Variants in ARMC2 observed in about 807,000 individuals in gnomAD.
The protein encoded by ARMC2 is armadillo repeat-containing protein 2.
Under a neutral mutation model 90.3 loss-of-function variants are expected in ARMC2, and 67 were observed. The observed-to-expected ratio is 0.74, with a 90% CI of 0.61 to 0.91. The LOEUF is 0.91. Among genes scored for constraint, ARMC2 ranks in the 40% least tolerant of loss-of-function variants. The pLI, the probability that ARMC2 is intolerant of heterozygous loss-of-function variation, is 0.00. For synonymous variants in ARMC2, 393 were observed against 393.0 expected (o/e 1.00, Z 0.00); for missense variants, 920 against 1,030.9 (o/e 0.89, Z 1.47).
the ARMC2 span, among the ~76,000 whole-genome samples, chr6:109,005,299 T>C: frequency 6.6e-6 from 1 of 152,054 alleles, no homozygotes; most frequent in Non-Finnish European, 1.5e-5. Context: ...TATATTACAA[T>C]AATGGGGAAG....
At chr6:108,917,656 A>T (rs541410601) in intron 10 of ARMC2, among the ~76,000 whole-genome samples, 1 of 152,166 alleles carries the variant, frequency 6.6e-6, no homozygotes, top group African/African-American at 2.4e-5. Context: ...ATTTTAATAT[A>T]TATTTTTTTG....
the ARMC2 span, among the ~76,000 whole-genome samples, chr6:109,028,404 T>TA: frequency 1.3e-5 from 2 of 152,214 alleles, no homozygotes; most frequent in South Asian, 4.1e-4. Context: ...CGAATGGGGC[T>TA]AATTTGTTGT....
the ARMC2 span, among the ~76,000 whole-genome samples, chr6:109,021,909 C>A: frequency 1.3e-5 from 2 of 152,148 alleles, no homozygotes; most frequent in African/African-American, 2.4e-5. Context: ...CCAAATATTA[C>A]TGAAAGTTTC....
In ARMC2 at chr6:108,912,234, A is replaced by G. The variant is rs578056344; in HGVS notation, c.1127-101A>G. On this transcript the variant is annotated intron_variant, in intron 9 of 17. Coordinates refer to ENST00000392644, the MANE Select transcript of ARMC2 (RefSeq NM_032131.6). Reference sequence around the variant, plus strand: ...CACTTGAATGTAGATTTTGATAAATATATTTTACGAAGTGTATTTTATGTT... The same window carrying G: ...CACTTGAATGTAGATTTTGATAAATGTATTTTACGAAGTGTATTTTATGTT... 8 of 826,388 alleles carry G rather than the reference A, an allele frequency of 9.7e-6. No homozygotes were observed. The South Asian group carries it at 1.6e-4, about 16-fold the overall frequency. The allele number at this position is 826,388 out of a possible 1,614,324, so 51.2% of individuals were successfully genotyped here.
At chr6:108,878,605 T>G (rs934816637) in intron 5 of ARMC2, among the ~76,000 whole-genome samples, 1 of 152,238 alleles carries the variant, frequency 6.6e-6, no homozygotes, top group African/African-American at 2.4e-5. Context: ...AACTTTATGC[T>G]GGTTATGGTG....
At chr6:109,008,691 C>T in the ARMC2 span, 1 of 771,476 alleles carries the variant, frequency 1.3e-6, no homozygotes, top group Non-Finnish European at 1.6e-6. Context: ...TAGTAACTTT[C>T]AAATGGTTTC....
At chr6:108,907,343 C>T (rs1391252399) in intron 8 of ARMC2, among the ~76,000 whole-genome samples, 2 of 151,626 alleles carry the variant, frequency 1.3e-5, no homozygotes, top group African/African-American at 4.9e-5. Flanking sequence ...GTGGTTTTGA[C>T]CTCAAGGACT....
the ARMC2 span, among the ~76,000 whole-genome samples, chr6:108,982,666 C>A: frequency 6.6e-6 from 1 of 152,176 alleles, no homozygotes; most frequent in South Asian, 2.1e-4. Flanking sequence ...AGTAGCCACC[C>A]TGATGAGTGT....
intron 7 of ARMC2, among the ~76,000 whole-genome samples, chr6:108,900,394 T>A (rs1016657682): frequency 2.0e-5 from 3 of 152,036 alleles, no homozygotes; most frequent in Non-Finnish European, 2.9e-5. Context: ...GCCCTCCACT[T>A]TCTCCCTCTT....
intron 10 of ARMC2, among the ~76,000 whole-genome samples, chr6:108,914,829 T>A (rs1010254939): frequency 1.3e-5 from 2 of 152,124 alleles, no homozygotes; most frequent in Non-Finnish European, 2.9e-5. Context: ...TGTGAATGTG[T>A]AACACTGACT....
chr6:109,033,910 A>G, the ARMC2 span, among the ~76,000 whole-genome samples: 1 of 152,244 alleles, frequency 6.6e-6, no homozygotes, highest in African/African-American at 2.4e-5. Flanking sequence ...TTCGTAAAGA[A>G]GCGGAGGCAA....
chr6:109,036,273 T>C, the ARMC2 span, among the ~76,000 whole-genome samples: 9 of 152,240 alleles, frequency 5.9e-5, 1 homozygote, highest in Middle Eastern at 3.2e-3. Context: ...AGCAAACCTA[T>C]GCAGTTAAAA....
At chr6:108,960,509 G>A (rs934326724) in intron 13 of ARMC2, among the ~76,000 whole-genome samples, 1 of 152,232 alleles carries the variant, frequency 6.6e-6, no homozygotes, top group Non-Finnish European at 1.5e-5. Flanking sequence ...CACTGTTCTA[G>A]AAGCTGGGAA....
intron 17 of ARMC2, 73 bp downstream of exon 17, chr6:108,965,213 G>T: frequency 7.5e-7 from 1 of 1,325,296 alleles, no homozygotes; most frequent in Non-Finnish European, 1.1e-6. Flanking sequence ...TGACCTGTTC[G>T]GATAAATATT....
chr6:108,932,026 A>T (rs1380611158), intron 11 of ARMC2, among the ~76,000 whole-genome samples: 1 of 151,512 alleles, frequency 6.6e-6, no homozygotes, highest in Non-Finnish European at 1.5e-5. Flanking sequence ...CAGCCTCCCA[A>T]AGTGCTGGGA....
At chr6:108,869,747 G>C (rs1488188239) in intron 4 of ARMC2, among the ~76,000 whole-genome samples, 1 of 152,086 alleles carries the variant, frequency 6.6e-6, no homozygotes, top group Admixed American at 6.6e-5. Context: ...ATTGCTGCCA[G>C]GCACCTAAAC....
At chr6:109,039,525 T>C in the ARMC2 span, among the ~76,000 whole-genome samples, 4 of 152,236 alleles carry the variant, frequency 2.6e-5, no homozygotes, top group Non-Finnish European at 5.9e-5. Context: ...AGCTGTCTGG[T>C]GACTTTTCTT....
chr6:108,880,777 C>CTCCT (rs71015566), intron 5 of ARMC2, among the ~76,000 whole-genome samples: 136,070 of 145,254 alleles, frequency 0.94, 64,188 homozygotes, highest in Non-Finnish European at 0.99. Flanking sequence ...TCCCTTCCCT[C>CTCCT]TCCTTCCTTC....
chr6:108,997,352 T>C, the ARMC2 span, among the ~76,000 whole-genome samples: 56 of 152,306 alleles, frequency 3.7e-4, 1 homozygote, highest in East Asian at 0.011. Flanking sequence ...CTGAATACTC[T>C]CTTGGATCCT....
Sources: allele counts gnomAD v4.1 joint callset (sites outside exome capture counted in the v4.1 genomes callset), GRCh38; gene constraint gnomAD v4.1.1; transcripts MANE v1.5; gene names NCBI Gene and HGNC (gene_info 2026-07-23, HGNC 2026-07-21).